The following LCOR variants were observed in gnomAD, a reference collection of about 807,000 sequenced individuals.
The protein encoded by LCOR is ligand-dependent corepressor.
In LCOR, 14 loss-of-function variants were observed where a neutral mutation model predicts 64.4. That is an observed-to-expected ratio of 0.22 (90% CI 0.14 to 0.34). The LOEUF is 0.34. Among genes scored for constraint, LCOR ranks in the 10% least tolerant of loss-of-function variants. The probability of loss-of-function intolerance (pLI) is 1.00; values close to 1 mark genes in which losing one functional copy is unlikely to be tolerated. For synonymous variants in LCOR, 643 were observed against 642.5 expected, an observed-to-expected ratio of 1.00 and a Z score of -0.01; for missense variants, 1,686 against 1,765.3, an observed-to-expected ratio of 0.96 and a Z score of 0.80.
At chr10:96,870,286 C>T (rs1197948994) in intron 2 of LCOR, among the ~76,000 whole-genome samples, 3 of 152,184 alleles carry the variant, frequency 2.0e-5, no homozygotes, top group Non-Finnish European at 2.9e-5. Context: ...GCTGGGATTA[C>T]AGGCGTGAGC....
At chr10:96,872,850 G>A (rs961762264) in intron 2 of LCOR, among the ~76,000 whole-genome samples, 1 of 152,082 alleles carries the variant, frequency 6.6e-6, no homozygotes, top group Non-Finnish European at 1.5e-5. Context: ...GTTTGGGGTT[G>A]GGCAGATATT....
At chr10:96,880,244 G>T (rs1846239983) in intron 2 of LCOR, among the ~76,000 whole-genome samples, 1 of 152,166 alleles carries the variant, frequency 6.6e-6, no homozygotes, top group Non-Finnish European at 1.5e-5. Context: ...CTGTCAGTTT[G>T]AAATAATGTA....
rs569170371 is a variant in LCOR at position 96,944,426 on chromosome 10, C to T, written c.-51+181C>T. ...ATTAGGATTAAGGAAACCCTGTTCC[C>T]CACATTTAGGCTCTGATGTGATGGT... is the stretch of plus-strand genomic sequence containing the variant. On this transcript the variant is annotated intron_variant, in intron 5 of 7. Transcript: ENST00000421806. Among the ~76,000 whole-genome samples the T allele has an allele frequency of 3.6e-4, 55 of 152,136 alleles. 1 individual carries two copies. The highest frequency in any genetic ancestry group is 1.2e-3 in the African/African-American group (49 of 41,518).
In LCOR at chr10:96,980,820, A is replaced by G. The variant is rs991928670; in HGVS notation, c.360A>G (p.Val120=). The change falls in exon 8 of 8, where the codon GTA becomes GTG. Residue 120 remains valine (V), a synonymous_variant. Transcript: ENST00000421806. ...NGENSTEAKA[V]DSNNQSKSPL... ...AGAACTCAACAGAGGCAAAAGCAGT[A>G]GATTCTAACAATCAGTCGAAGTCCC... 3 of 702,554 alleles carry G rather than the reference A, an allele frequency of 4.3e-6. No homozygotes were observed. The African/African-American group carries it at 5.2e-5, about 12-fold the overall frequency. The allele number at this position is 702,554 out of a possible 1,614,324, so 43.5% of individuals were successfully genotyped here. A position where few individuals can be genotyped will look rare whatever the true frequency, so the allele number is the denominator to read the frequency against.
At chr10:96,943,220 T>C (rs1440678643) in intron 4 of LCOR, among the ~76,000 whole-genome samples, 1 of 152,188 alleles carries the variant, frequency 6.6e-6, no homozygotes, top group Non-Finnish European at 1.5e-5. Flanking sequence ...CTCAGCCTCC[T>C]GAGTAGCTGG....
Position 96,983,836 on chromosome 10 carries a change from A to T in LCOR, c.3376A>T (p.Ile1126Phe). The change falls in exon 8 of 8, where the codon ATC (isoleucine) becomes TTC (phenylalanine). Residue 1126 changes from isoleucine to phenylalanine, a missense_variant. Coordinates refer to ENST00000421806, the MANE Select transcript of LCOR (RefSeq NM_001346516.2). The surrounding 1 kb of genome is among the most constrained non-coding windows in gnomAD (Gnocchi z 4.5). ...GTACATGAAAGTTCAGAAGGGCTGG[A>T]TCCAGTTGGAGAAAGAAGGACAGCC... Reference protein sequence around the residue: ...AQYMKVQKGWIQLEKEGQPTP... With the variant: ...AQYMKVQKGWFQLEKEGQPTP... 6.2e-7 allele frequency: 1 copy of T among 1,614,170 alleles called. No homozygotes were observed. Among genetic ancestry groups the T allele is most frequent in the South Asian group, 1.1e-5 (1 of 91,080 alleles).
intron 4 of LCOR, among the ~76,000 whole-genome samples, chr10:96,925,383 AT>A (rs1394437265): frequency 6.6e-6 from 1 of 152,070 alleles, no homozygotes; most frequent in Non-Finnish European, 1.5e-5. Context: ...CCTTTTATTT[AT>A]TTTTAATGAC....
In LCOR at chr10:96,983,027, C is replaced by T. The variant is rs1848107736; in HGVS notation, c.2567C>T (p.Ser856Leu). Residue 856 changes from serine (S) to leucine (L), a missense_variant, in exon 8 of 8, where the codon TCA becomes TTA. This residue lies in a region of LCOR where 1,293 missense variants were observed against 1,410.4 expected (regional missense o/e 0.92). Transcript: ENST00000421806. The surrounding 1 kb of genome is among the most constrained non-coding windows in gnomAD (Gnocchi z 4.5). ...CCTAAAAATCCTAGTGCAAAACGTT[C>T]AAAAAAAGAAGGGCACCCTGGTGGG... ...KVPKNPSAKR[S>L]KKEGHPGGTT... The T allele has an allele frequency of 6.2e-7, 1 of 1,613,338 alleles. No homozygotes were observed. Among genetic ancestry groups the T allele is most frequent in the Non-Finnish European group, 8.5e-7 (1 of 1,179,772 alleles).
Position 96,982,467 on chromosome 10 carries a change from C to A in LCOR, c.2007C>A (p.His669Gln), listed in dbSNP as rs748721986. ...AGATGAGTGTACCCCAGGACTGTCA[C>A]CTCCTTCCCTCCACTGAAAGCTTTT... ...TEEMSVPQDC[H>Q]LLPSTESFSG... Residue 669 changes from histidine (H) to glutamine (Q), a missense_variant, in exon 8 of 8, where the codon CAC becomes CAA. Physicochemically the swap from His to Gln is conservative, Grantham distance 24 (BLOSUM62 0). This residue lies in a region of LCOR where 1,293 missense variants were observed against 1,410.4 expected (regional missense o/e 0.92). Coordinates refer to ENST00000421806, the MANE Select transcript of LCOR (RefSeq NM_001346516.2). 24 of 1,614,102 alleles carry A rather than the reference C, an allele frequency of 1.5e-5. No individual in the cohort carries two copies. Among genetic ancestry groups the A allele is most frequent in the Non-Finnish European group, 2.0e-5 (24 of 1,180,046 alleles).
At chr10:96,946,194 T>C (rs986415337) in intron 5 of LCOR, among the ~76,000 whole-genome samples, 4 of 152,080 alleles carry the variant, frequency 2.6e-5, no homozygotes, top group African/African-American at 9.6e-5. Flanking sequence ...TAGTACTCTT[T>C]AAATTAATAC....
chr10:96,839,512 T>A (rs1164283893), intron 2 of LCOR, among the ~76,000 whole-genome samples: 2 of 152,192 alleles, frequency 1.3e-5, no homozygotes, highest in African/African-American at 2.4e-5. Context: ...ACACCTTTGC[T>A]CTATATTGCC....
At chr10:96,834,896 T>TTTG (rs1161994021) in intron 2 of LCOR, among the ~76,000 whole-genome samples, 1 of 152,132 alleles carries the variant, frequency 6.6e-6, no homozygotes, top group Non-Finnish European at 1.5e-5. Flanking sequence ...TGTTTTTGTT[T>TTTG]TTGTTGTTGT....
At chr10:96,888,874 T>G (rs1016814495) in intron 2 of LCOR, among the ~76,000 whole-genome samples, 1 of 152,248 alleles carries the variant, frequency 6.6e-6, no homozygotes, top group African/African-American at 2.4e-5. Flanking sequence ...GCTATAGTTA[T>G]GTTTTTTAGA....
intron 6 of LCOR, among the ~76,000 whole-genome samples, 189 bp from the exon 7 acceptor site, chr10:96,951,911 GATA>G (rs1847687171): frequency 6.6e-6 from 1 of 152,122 alleles, no homozygotes; most frequent in Non-Finnish European, 1.5e-5. Flanking sequence ...AGCCCTTGAG[GATA>G]TTAAGTATAA....
At chr10:96,980,248 G>A (rs766628245) in intron 7 of LCOR, among the ~76,000 whole-genome samples, 1 of 151,994 alleles carries the variant, frequency 6.6e-6, no homozygotes, top group Admixed American at 6.6e-5. Context: ...CAGTGTTGTG[G>A]ACTTATAAAC....
intron 4 of LCOR, among the ~76,000 whole-genome samples, chr10:96,912,181 G>T (rs538953331): frequency 1.3e-5 from 2 of 151,992 alleles, no homozygotes; most frequent in Non-Finnish European, 2.9e-5. Context: ...CAATCCACCC[G>T]CCTCGGCCTC....
At chr10:96,844,098 TCCCTCCCTTCC>T (rs1845586559) in intron 2 of LCOR, among the ~76,000 whole-genome samples, 1 of 17,492 alleles carries the variant, frequency 5.7e-5, no homozygotes, top group African/African-American at 3.0e-4. Context: ...CCACCCTCCC[TCCCTCCCTTCC>T]TTCCCCCCTC....
chr10:96,957,449 A>G, intron 7 of LCOR: 1 of 985,192 alleles, frequency 1.0e-6, no homozygotes, highest in Non-Finnish European at 1.2e-6. Flanking sequence ...TTTCATTGTG[A>G]TCAGATTAAA....
chr10:96,963,406 C>T (rs560614060), intron 7 of LCOR: 1 of 152,336 alleles, frequency 6.6e-6, no homozygotes, highest in East Asian at 1.9e-4. Context: ...TTCACGATAA[C>T]TACTACTAAA....
Sources: gnomAD v4.1 joint callset for allele counts (sites outside exome capture counted in the v4.1 genomes callset) on GRCh38, gnomAD v4.1.1 for gene constraint, gnomAD v4.1.1 regional missense constraint, Gnocchi (gnomAD v3.1) non-coding constraint, MANE v1.5 for transcripts, NCBI Gene and HGNC (gene_info 2026-07-23, HGNC 2026-07-21) for gene names.